CADM2: variants seen among roughly 807,000 people sequenced by gnomAD.
CADM2 encodes the protein immunoglobulin superfamily member 4D.
Under a neutral mutation model 49.8 loss-of-function variants are expected in CADM2, and 12 were observed. That is an observed-to-expected ratio of 0.24 (90% CI 0.15 to 0.39). CADM2 has a LOEUF of 0.39. Among genes scored for constraint, CADM2 ranks in the 10% least tolerant of loss-of-function variants. The probability of loss-of-function intolerance (pLI) is 1.00; values close to 1 mark genes in which losing one functional copy is unlikely to be tolerated. For synonymous variants in CADM2, 214 were observed against 175.4 expected (o/e 1.22, Z -1.74); for missense variants, 378 against 492.3 (o/e 0.77, Z 2.20).
chr3:85,669,720 C>G (rs2065678856), intron 1 of CADM2, among the ~76,000 whole-genome samples: 1 of 152,068 alleles, frequency 6.6e-6, no homozygotes, highest in South Asian at 2.1e-4. Context: ...AATGATAAAT[C>G]TTTAAGCCTA....
intron 1 of CADM2, among the ~76,000 whole-genome samples, chr3:85,697,833 A>C (rs2066618548): frequency 6.6e-6 from 1 of 152,218 alleles, no homozygotes; most frequent in Non-Finnish European, 1.5e-5. Flanking sequence ...CAAAATTATA[A>C]CACTTATGTA....
chr3:84,974,118 C>T (rs977113661), intron 1 of CADM2, among the ~76,000 whole-genome samples: 6 of 151,908 alleles, frequency 3.9e-5, no homozygotes, highest in Non-Finnish European at 7.4e-5. Flanking sequence ...GGGAATGATA[C>T]CACATTTCTA....
At chr3:85,235,343 G>A (rs180958632) in intron 1 of CADM2, among the ~76,000 whole-genome samples, 23 of 152,102 alleles carry the variant, frequency 1.5e-4, no homozygotes, top group African/African-American at 5.5e-4. Context: ...GAGTTTTTGA[G>A]TGATAAATAA....
At chr3:85,446,821 C>G (rs867126931) in intron 1 of CADM2, among the ~76,000 whole-genome samples, 29 of 149,208 alleles carry the variant, frequency 1.9e-4, no homozygotes, top group African/African-American at 7.1e-4. Flanking sequence ...ACGCTGGTCT[C>G]GAACTCCTGA....
intron 8 of CADM2, among the ~76,000 whole-genome samples, chr3:86,024,649 G>T (rs1733653877): frequency 6.6e-6 from 1 of 152,046 alleles, no homozygotes; most frequent in Admixed American, 6.6e-5. Flanking sequence ...AACAAATTTG[G>T]CTTTACCAGA....
intron 1 of CADM2, among the ~76,000 whole-genome samples, chr3:85,147,275 C>CAAAAAA (rs759888985): frequency 2.6e-4 from 12 of 46,006 alleles, no homozygotes; most frequent in Admixed American, 4.0e-4. Flanking sequence ...GACTCTGTCT[C>CAAAAAA]AAAAAAAAAA....
At chr3:85,120,226 C>T (rs140058341) in intron 1 of CADM2, among the ~76,000 whole-genome samples, 147 of 152,288 alleles carry the variant, frequency 9.7e-4, no homozygotes, top group African/African-American at 3.3e-3. Context: ...TGGTTTTACA[C>T]TGTAGGTGGT....
In CADM2 at chr3:85,060,374, G is replaced by A. The variant is rs964223787; in HGVS notation, c.61+100706G>A. On this transcript the variant is annotated intron_variant, in intron 1 of 9. Transcript: ENST00000383699. The stretch of plus-strand genomic sequence containing the variant: ...ACTCCTGACCTCAGGTGATCCACCC[G>A]CCTCAATCTCCCAAATTGCTGGGAT... Among the ~76,000 whole-genome samples the A allele has an allele frequency of 2.6e-5, 4 of 151,900 alleles. No homozygotes were observed. The East Asian group carries it at 5.8e-4, about 22-fold the overall frequency.
At chr3:85,515,131 A>T (rs1047534240) in intron 1 of CADM2, among the ~76,000 whole-genome samples, 1 of 152,160 alleles carries the variant, frequency 6.6e-6, no homozygotes, top group Non-Finnish European at 1.5e-5. Context: ...TTTTGTAATC[A>T]TCAGATGGGC....
intron 1 of CADM2, among the ~76,000 whole-genome samples, chr3:85,347,163 G>T (rs553058033): frequency 7.9e-6 from 1 of 126,068 alleles, no homozygotes; most frequent in South Asian, 2.6e-4. Flanking sequence ...CAGAGGTTTT[G>T]GTGAGCTAAG....
intron 3 of CADM2, among the ~76,000 whole-genome samples, chr3:85,877,150 G>A (rs567400330): frequency 5.5e-4 from 83 of 152,230 alleles, no homozygotes; most frequent in African/African-American, 1.9e-3. Context: ...ACTAATGGCT[G>A]TTAGGGCATG....
chr3:85,037,142 C>T (rs879829699), intron 1 of CADM2, among the ~76,000 whole-genome samples: 4 of 152,060 alleles, frequency 2.6e-5, no homozygotes, highest in African/African-American at 9.7e-5. Context: ...GCACTCCAGC[C>T]TGGGCAACAA....
chr3:85,530,224 A>C (rs2061267891), intron 1 of CADM2, among the ~76,000 whole-genome samples: 1 of 151,350 alleles, frequency 6.6e-6, no homozygotes, highest in Admixed American at 6.6e-5. Context: ...GCCACATAAG[A>C]CATGTCTCTT....
intron 8 of CADM2, among the ~76,000 whole-genome samples, chr3:86,036,169 A>C (rs1735129659): frequency 6.6e-6 from 1 of 152,124 alleles, no homozygotes; most frequent in Non-Finnish European, 1.5e-5. Context: ...TCATGACCTT[A>C]AAAACCTTAA....
chr3:85,665,404 T>C (rs958583469), intron 1 of CADM2, among the ~76,000 whole-genome samples: 4 of 152,112 alleles, frequency 2.6e-5, no homozygotes, highest in Admixed American at 2.0e-4. Flanking sequence ...AATGGATATG[T>C]GTTTGCCTTT....
At chr3:85,628,867 T>A (rs2064216468) in intron 1 of CADM2, among the ~76,000 whole-genome samples, 1 of 151,334 alleles carries the variant, frequency 6.6e-6, no homozygotes, top group Admixed American at 6.6e-5. Context: ...CTCTTATCGT[T>A]TTTCTTTAAT....
chr3:85,683,923 C>A (rs965465210), intron 1 of CADM2, among the ~76,000 whole-genome samples: 2 of 152,104 alleles, frequency 1.3e-5, no homozygotes, highest in African/African-American at 2.4e-5. Context: ...ATTAGTAGGT[C>A]AAATTGTGAT....
At chr3:85,081,023 C>G (rs1283884392) in intron 1 of CADM2, among the ~76,000 whole-genome samples, 2 of 151,982 alleles carry the variant, frequency 1.3e-5, no homozygotes, top group Non-Finnish European at 2.9e-5. Flanking sequence ...TCAGTACCCA[C>G]AATTTATTTT....
At chr3:85,576,022 G>A (rs192060720) in intron 1 of CADM2, among the ~76,000 whole-genome samples, 17 of 152,142 alleles carry the variant, frequency 1.1e-4, no homozygotes, top group Non-Finnish European at 7.4e-5. Flanking sequence ...GTGAATTTTA[G>A]CACAATCCAT....
Sources: gnomAD v4.1 joint callset for allele counts (sites outside exome capture counted in the v4.1 genomes callset) on GRCh38, gnomAD v4.1.1 for gene constraint, MANE v1.5 for transcripts, NCBI Gene and HGNC (gene_info 2026-07-23, HGNC 2026-07-21) for gene names.